The following NCAM1 variants were observed in gnomAD, a reference collection of about 807,000 sequenced individuals.
NCAM1 encodes the protein antigen recognized by monoclonal antibody 5.1H11.
In NCAM1, 14 loss-of-function variants were observed where a neutral mutation model predicts 109.8. That is an observed-to-expected ratio of 0.13 (90% CI 0.08 to 0.20). NCAM1 has a LOEUF of 0.20. Ranked by LOEUF, NCAM1 falls within the 10% of genes least tolerant of loss-of-function variation. The probability of loss-of-function intolerance (pLI) is 1.00; values close to 1 mark genes in which losing one functional copy is unlikely to be tolerated. For missense variants in NCAM1, 774 were observed against 1,109.9 expected (o/e 0.70, Z 4.30); for synonymous variants, 418 against 442.9 (o/e 0.94, Z 0.70).
At chr11:113,187,068 A>G (rs1943529386) in intron 1 of NCAM1, among the ~76,000 whole-genome samples, 1 of 152,210 alleles carries the variant, frequency 6.6e-6, no homozygotes, top group South Asian at 2.1e-4. Flanking sequence ...GCCTCTTGCA[A>G]CTGGTATCTA....
chr11:113,263,118 C>A, intron 17 of NCAM1: 2 of 1,297,696 alleles, frequency 1.5e-6, no homozygotes, highest in Non-Finnish European at 9.8e-7. Flanking sequence ...TACTTTTGTG[C>A]CACTTCATAA....
Position 113,218,740 on chromosome 11 carries a change from T to C in NCAM1, c.1060-2556T>C, listed in dbSNP as rs550902597. On this transcript the variant is annotated intron_variant, in intron 8 of 19. Transcript: ENST00000316851. ...GACAACTGATAATAGCTAGGGTACC[T>C]AATTGTTTGGATCATCGAGATCATT... 2.3e-3 allele frequency among the ~76,000 whole-genome samples: 350 copies of C among 152,374 alleles called. 10 individuals are homozygous for C. The highest frequency in any genetic ancestry group is 0.022 in the South Asian group (106 of 4,830).
At position 113,098,269 on chromosome 11, in the gene NCAM1, C is replaced by T. The variant is rs187216697; in HGVS notation, c.53-104110C>T. Among the ~76,000 whole-genome samples, 312 of 152,234 alleles carry T rather than the reference C, an allele frequency of 2.0e-3. 1 individual carries two copies. Among genetic ancestry groups the T allele is most frequent in the African/African-American group, 7.0e-3 (292 of 41,528 alleles). On this transcript the variant is annotated intron_variant, in intron 1 of 19. Coordinates refer to ENST00000316851, the MANE Select transcript of NCAM1 (RefSeq NM_181351.5). ...ATAGAGGAGATTGATTCTAGGATTA[C>T]GCCCCTTATCAGGATACCAGAATAC...
rs184299090 is a variant in NCAM1 at position 112,974,450 on chromosome 11, A to C, written c.52+12786A>C. Among the ~76,000 whole-genome samples the C allele has an allele frequency of 5.9e-5, 9 of 152,176 alleles. 1 individual carries two copies. In the East Asian group the frequency reaches 1.7e-3, roughly 30 times the overall value. On this transcript the variant is annotated intron_variant, in intron 1 of 19. Coordinates refer to ENST00000316851, the MANE Select transcript of NCAM1 (RefSeq NM_181351.5). The stretch of plus-strand genomic sequence containing the variant: ...GATGTCACACACTGAAAGACTGTGC[A>C]GAAACTTGGTTTATTGGGTGGGGGA...
chr11:113,153,231 T>G (rs897071035), intron 1 of NCAM1, among the ~76,000 whole-genome samples: 3 of 152,020 alleles, frequency 2.0e-5, no homozygotes, highest in African/African-American at 4.8e-5. Flanking sequence ...TAAGTAGAGA[T>G]GAGTTTTCAC....
At chr11:113,138,251 C>G (rs141859801) in intron 1 of NCAM1, among the ~76,000 whole-genome samples, 1,988 of 152,268 alleles carry the variant, frequency 0.013, 21 homozygotes, top group Non-Finnish European at 0.02. Flanking sequence ...GGATGGGGAT[C>G]GAGTTTGAGA....
intron 1 of NCAM1, among the ~76,000 whole-genome samples, chr11:113,183,912 T>G (rs1943408049): frequency 6.6e-6 from 1 of 152,222 alleles, no homozygotes; most frequent in African/African-American, 2.4e-5. Flanking sequence ...TAGGAAAATG[T>G]CCTTATATAT....
At chr11:113,230,523 G>A (rs1307727488) in intron 9 of NCAM1, among the ~76,000 whole-genome samples, 5 of 152,204 alleles carry the variant, frequency 3.3e-5, no homozygotes, top group African/African-American at 9.6e-5. Context: ...CCTTGCTTGT[G>A]AGCTTCCTAA....
At position 113,271,827 on chromosome 11, in the gene NCAM1, G is replaced by T. The variant is rs782139627; in HGVS notation, c.2407G>T (p.Gly803Ter). 2 of 1,573,546 alleles carry T rather than the reference G, an allele frequency of 1.3e-6. No individual in the cohort carries two copies. The highest frequency in any genetic ancestry group is 2.4e-5 in the East Asian group (1 of 42,286). Residue 803 changes from glycine (G) to a stop codon, truncating the protein, a stop_gained, in exon 19 of 20, where the codon GGA becomes TGA. Coordinates refer to ENST00000316851, the MANE Select transcript of NCAM1 (RefSeq NM_181351.5). LOFTEE classifies it high-confidence loss of function. ...TEEERTPNHD[G>*]GKHTEPNETT... ...GGAGGAGAGGACCCCAAACCATGAT[G>T]GAGGGAAACACACAGAGCCCAACGA...
chr11:113,152,353 A>G (rs2136279246), intron 1 of NCAM1, among the ~76,000 whole-genome samples: 1 of 152,298 alleles, frequency 6.6e-6, no homozygotes, highest in East Asian at 1.9e-4. Flanking sequence ...TATGGTTTCC[A>G]TTTCTTTTAA....
At chr11:113,126,155 CAA>C (rs5794846) in intron 1 of NCAM1, among the ~76,000 whole-genome samples, 400 of 140,712 alleles carry the variant, frequency 2.8e-3, no homozygotes, top group Non-Finnish European at 3.7e-3. Flanking sequence ...TACCCTTTCT[CAA>C]AAAAAAAAAA....
Position 113,066,889 on chromosome 11 carries a change from A to G in NCAM1, c.52+105225A>G, listed in dbSNP as rs544266357. On this transcript the variant is annotated intron_variant, in intron 1 of 19. Coordinates refer to ENST00000316851, the MANE Select transcript of NCAM1 (RefSeq NM_181351.5). ...CATGGTGGCGGGCGCCTGTAGTCCCAGTTGCTCCGGAGGCTGAGGCAGGAG... is the reference window on the plus strand; with the variant it reads ...CATGGTGGCGGGCGCCTGTAGTCCCGGTTGCTCCGGAGGCTGAGGCAGGAG... Among the ~76,000 whole-genome samples, 34 of 151,292 alleles carry G rather than the reference A, an allele frequency of 2.2e-4. No homozygotes were observed. In the South Asian group the frequency reaches 6.5e-3, roughly 29 times the overall value.
intron 1 of NCAM1, among the ~76,000 whole-genome samples, chr11:113,027,032 G>C (rs1456659415): frequency 6.6e-6 from 1 of 152,188 alleles, no homozygotes; most frequent in East Asian, 1.9e-4. Context: ...GAAGGACAAC[G>C]ATGAGGCATG....
Position 113,270,315 on chromosome 11 carries a change from G to T in NCAM1, c.2259G>T (p.Met753Ile), listed in dbSNP as rs1446524481. 6.2e-7 allele frequency: 1 copy of T among 1,613,906 alleles called. No homozygotes were observed. Among genetic ancestry groups the T allele is most frequent in the Non-Finnish European group, 8.5e-7 (1 of 1,179,910 alleles). ...CYFLNKCGLF[M>I]CIAVNLCGKA... Reference sequence around the variant, plus strand: ...TCCTGAACAAGTGTGGCCTGTTCATGTGCATTGCGGTCAACCTGTGTGGAA... The same window carrying T: ...TCCTGAACAAGTGTGGCCTGTTCATTTGCATTGCGGTCAACCTGTGTGGAA... The change falls in exon 18 of 20, where the codon ATG (methionine) becomes ATT (isoleucine). Residue 753 changes from methionine to isoleucine, a missense_variant. Coordinates refer to ENST00000316851, the MANE Select transcript of NCAM1 (RefSeq NM_181351.5).
chr11:113,107,896 A>T (rs1555092850), intron 1 of NCAM1, among the ~76,000 whole-genome samples: 1 of 152,214 alleles, frequency 6.6e-6, no homozygotes, highest in African/African-American at 2.4e-5. Context: ...AGCAAACTGC[A>T]ACTTCTGTGT....
At chr11:113,081,333 G>A (rs1220286478) in intron 1 of NCAM1, among the ~76,000 whole-genome samples, 1 of 152,182 alleles carries the variant, frequency 6.6e-6, no homozygotes, top group Non-Finnish European at 1.5e-5. Flanking sequence ...CAGTTTCCGA[G>A]AAGTATGGCG....
chr11:113,011,334 T>C (rs1385436155), intron 1 of NCAM1, among the ~76,000 whole-genome samples: 2 of 150,520 alleles, frequency 1.3e-5, no homozygotes, highest in African/African-American at 2.4e-5. Context: ...GGTGTATATG[T>C]GCCACATTTT....
At chr11:113,076,908 A>G (rs1387273964) in intron 1 of NCAM1, among the ~76,000 whole-genome samples, 1 of 152,222 alleles carries the variant, frequency 6.6e-6, no homozygotes, top group African/African-American at 2.4e-5. Context: ...AGGAGAAAAA[A>G]TTTCTATTTT....
At chr11:113,056,494 C>A (rs1953718734) in intron 1 of NCAM1, among the ~76,000 whole-genome samples, 2 of 152,102 alleles carry the variant, frequency 1.3e-5, no homozygotes, top group East Asian at 3.9e-4. Context: ...CACATGTACC[C>A]CTAACATAGG....
Sources: gnomAD v4.1 joint callset for allele counts (sites outside exome capture counted in the v4.1 genomes callset) on GRCh38, gnomAD v4.1.1 for gene constraint, MANE v1.5 for transcripts, NCBI Gene and HGNC (gene_info 2026-07-23, HGNC 2026-07-21) for gene names.